The following ADAMTSL1 variants were observed in gnomAD, a reference collection of about 807,000 sequenced individuals.
ADAMTSL1 encodes the protein ADAMTS like 1.
ADAMTSL1 carries 126 observed loss-of-function variants against 201.8 expected under a neutral mutation model. The observed-to-expected ratio is 0.62, with a 90% CI of 0.54 to 0.72. ADAMTSL1 has a LOEUF of 0.72. ADAMTSL1 is among the 30% of genes least tolerant of loss of function. The pLI, the probability that ADAMTSL1 is intolerant of heterozygous loss-of-function variation, is 0.00. For missense variants in ADAMTSL1, 2,679 were observed against 2,277.8 expected (o/e 1.18, Z -3.59); for synonymous variants, 1,121 against 903.4 (o/e 1.24, Z -4.32).
chr9:18,530,209 A>G (rs1343034928), intron 2 of ADAMTSL1, among the ~76,000 whole-genome samples: 1 of 152,186 alleles, frequency 6.6e-6, no homozygotes, highest in East Asian at 1.9e-4. Context: ...TTCATTTGGC[A>G]GGTAAGGAAA....
chr9:17,958,677 A>T (rs1210202134), intron 1 of ADAMTSL1, among the ~76,000 whole-genome samples: 1 of 152,222 alleles, frequency 6.6e-6, no homozygotes, highest in African/African-American at 2.4e-5. Context: ...GTGATTTAAA[A>T]TTGGATTTGT....
chr9:17,961,404 A>G (rs1817749681), intron 1 of ADAMTSL1, among the ~76,000 whole-genome samples: 1 of 152,040 alleles, frequency 6.6e-6, no homozygotes, highest in Admixed American at 6.6e-5. Flanking sequence ...ATGTGCCACC[A>G]TACCTGGCTA....
intron 1 of ADAMTSL1, among the ~76,000 whole-genome samples, chr9:17,983,093 C>A (rs146095213): frequency 0.034 from 2,488 of 73,914 alleles, 110 homozygotes; most frequent in African/African-American, 0.11. Flanking sequence ...TTTTTTGAGA[C>A]TGAATCTTGC....
chr9:17,970,334 A>G (rs1179960000), intron 1 of ADAMTSL1, among the ~76,000 whole-genome samples: 1 of 152,064 alleles, frequency 6.6e-6, no homozygotes, highest in Non-Finnish European at 1.5e-5. Flanking sequence ...CTTACTCAGA[A>G]CATGGCATTA....
At position 18,777,460 on chromosome 9, in the gene ADAMTSL1, C is replaced by A; in HGVS notation, c.3231C>A (p.Arg1077=). 6.3e-7 allele frequency: 1 copy of A among 1,594,610 alleles called. No homozygotes were observed. The highest frequency in any genetic ancestry group is 1.1e-5 in the South Asian group (1 of 88,158). ...LPFTMVTEQR[R]LDDILGNLSQ... ...TCACCATGGTGACCGAGCAGCGGCG[C>A]CTGGACGACATCCTGGGGAACCTCT... Residue 1077 remains arginine (R), a synonymous_variant, in exon 19 of 29, where the codon CGC becomes CGA. Transcript: ENST00000380548.
chr9:18,808,984 A>C (rs547805649), intron 20 of ADAMTSL1, among the ~76,000 whole-genome samples: 87 of 127,090 alleles, frequency 6.8e-4, no homozygotes, highest in African/African-American at 2.3e-3. Context: ...ACACCATATA[A>C]ACACATATTT....
chr9:17,933,186 G>T (rs910115696), intron 1 of ADAMTSL1, among the ~76,000 whole-genome samples: 1 of 152,152 alleles, frequency 6.6e-6, no homozygotes, highest in East Asian at 1.9e-4. Flanking sequence ...GGAAGGATCT[G>T]TTCCTTGCTG....
rs1203207696 is a variant in ADAMTSL1 at position 18,639,753 on chromosome 9, C to T, written c.834+342C>T. On this transcript the variant is annotated intron_variant, in intron 7 of 28. Coordinates refer to ENST00000380548, the MANE Select transcript of ADAMTSL1 (RefSeq NM_001040272.6). ...CAGTCATTGACTTATATAGGCTATC[C>T]TCAGTAAAAGAGAAAAACAAACTAA... 2.0e-5 allele frequency among the ~76,000 whole-genome samples: 3 copies of T among 152,010 alleles called. No homozygotes were observed. In the East Asian group the frequency reaches 5.8e-4, roughly 29 times the overall value.
chr9:18,289,435 C>T (rs60855887), intron 2 of ADAMTSL1, among the ~76,000 whole-genome samples: 9,177 of 152,126 alleles, frequency 0.06, 933 homozygotes, highest in African/African-American at 0.21. Context: ...CCAAATTTAC[C>T]AAAAGCCAGG....
At chr9:18,412,524 A>G (rs1235266786) in intron 2 of ADAMTSL1, among the ~76,000 whole-genome samples, 3 of 152,228 alleles carry the variant, frequency 2.0e-5, no homozygotes, top group African/African-American at 7.2e-5. Context: ...CACAGGAAAG[A>G]TAGGATAAAT....
At chr9:18,069,675 T>G (rs1032292416) in intron 1 of ADAMTSL1, among the ~76,000 whole-genome samples, 2 of 152,210 alleles carry the variant, frequency 1.3e-5, no homozygotes, top group African/African-American at 4.8e-5. Context: ...TTGACAATAC[T>G]GTGATCTGAT....
At chr9:18,530,486 C>G (rs931991509) in intron 2 of ADAMTSL1, among the ~76,000 whole-genome samples, 7 of 152,194 alleles carry the variant, frequency 4.6e-5, no homozygotes, top group East Asian at 1.9e-4. Flanking sequence ...TTACAAAGTT[C>G]AAAATTAGTA....
In ADAMTSL1 at chr9:18,015,499, T is replaced by G. The variant is rs1820219553; in HGVS notation, c.87+108577T>G. ...ATTTTGATCCTAGAGCTCATTTTGG[T>G]TAGTGCTTTTATTCAGAGCTGTCTG... On this transcript the variant is annotated intron_variant, in intron 1 of 29. Transcript: ENST00000680146. Among the ~76,000 whole-genome samples, 3 of 152,044 alleles carry G rather than the reference T, an allele frequency of 2.0e-5. No homozygotes were observed. In the South Asian group the frequency reaches 6.2e-4, roughly 32 times the overall value.
chr9:18,612,476 G>T (rs1825441094), intron 4 of ADAMTSL1, among the ~76,000 whole-genome samples: 2 of 152,082 alleles, frequency 1.3e-5, no homozygotes, highest in Admixed American at 6.6e-5. Context: ...TGTATGCCAG[G>T]CACTGTTCTA....
intron 23 of ADAMTSL1, among the ~76,000 whole-genome samples, chr9:18,831,314 T>C (rs1824961574): frequency 6.6e-6 from 1 of 152,238 alleles, no homozygotes; most frequent in South Asian, 2.1e-4. Flanking sequence ...GGCTTACAAA[T>C]AGTAAACTGA....
At chr9:17,938,141 G>C (rs1211603828) in intron 1 of ADAMTSL1, among the ~76,000 whole-genome samples, 1 of 152,112 alleles carries the variant, frequency 6.6e-6, no homozygotes, top group Non-Finnish European at 1.5e-5. Context: ...ATTTTCATAG[G>C]TTCCAGCAAG....
chr9:18,865,887 G>A (rs551897943), intron 23 of ADAMTSL1, among the ~76,000 whole-genome samples: 3 of 152,118 alleles, frequency 2.0e-5, no homozygotes, highest in African/African-American at 7.2e-5. Flanking sequence ...GCCTGCTGAT[G>A]GCCTCTTTCC....
chr9:18,816,425 C>A (rs146004900), intron 20 of ADAMTSL1, among the ~76,000 whole-genome samples: 1 of 151,838 alleles, frequency 6.6e-6, no homozygotes, highest in East Asian at 1.9e-4. Flanking sequence ...TTAGTAGAGA[C>A]GGGATTTCAC....
chr9:18,521,151 G>A (rs1161110464), intron 2 of ADAMTSL1, among the ~76,000 whole-genome samples: 1 of 152,102 alleles, frequency 6.6e-6, no homozygotes, highest in East Asian at 1.9e-4. Flanking sequence ...TAATGTTTAA[G>A]GTCAGTTTCC....
Sources: allele counts gnomAD v4.1 joint callset (sites outside exome capture counted in the v4.1 genomes callset), GRCh38; gene constraint gnomAD v4.1.1; transcripts MANE v1.5; gene names NCBI Gene and HGNC (gene_info 2026-07-23, HGNC 2026-07-21).